Variants in P3H2 observed in about 807,000 individuals in gnomAD.
P3H2 encodes prolyl 3-hydroxylase 2.
In P3H2, 80 loss-of-function variants were observed where a neutral mutation model predicts 87.0. The observed-to-expected ratio is 0.92, with a 90% CI of 0.77 to 1.11. P3H2 has a LOEUF of 1.11. Among genes scored for constraint, P3H2 ranks in the 50% least tolerant of loss-of-function variants. The pLI, the probability that P3H2 is intolerant of heterozygous loss-of-function variation, is 0.00. For synonymous variants in P3H2, 367 were observed against 359.3 expected (o/e 1.02, Z -0.24); for missense variants, 1,001 against 923.9 (o/e 1.08, Z -1.08).
chr3:189,966,121 GAAA>G (rs372324965), intron 13 of P3H2, among the ~76,000 whole-genome samples: 4 of 70,742 alleles, frequency 5.7e-5, no homozygotes, highest in Non-Finnish European at 1.1e-4. Context: ...AAGAAAGAAA[GAAA>G]AAGAAAGAAA....
intron 8 of P3H2, among the ~76,000 whole-genome samples, chr3:189,979,860 C>T (rs1410864330): frequency 6.6e-6 from 1 of 151,312 alleles, no homozygotes; most frequent in South Asian, 2.1e-4. Flanking sequence ...CCCAGCTACT[C>T]GGGAGGCTGA....
At chr3:190,050,969 G>T (rs1725963318) in intron 1 of P3H2, among the ~76,000 whole-genome samples, 1 of 152,130 alleles carries the variant, frequency 6.6e-6, no homozygotes, top group South Asian at 2.1e-4. Context: ...TAATATAAAA[G>T]ATACTGTCAA....
chr3:189,986,825 G>C lies in P3H2; in HGVS notation c.1151C>G (p.Ser384Ter), dbSNP rs1343712811. 1 of 1,613,142 alleles carries C rather than the reference G, an allele frequency of 6.2e-7. No homozygotes were observed. The highest frequency in any genetic ancestry group is 1.7e-5 in the Admixed American group (1 of 60,004). ...TGAAAACCCCAGACCTTCTGCAGCT[G>C]ATTTTATCAGCTCAGACTCCAGCTT... ...RHKLESELIK[S>*]AAEGLGFSYT... is the part of the protein sequence containing the mutation. Residue 384 changes from serine (S) to a stop codon, truncating the protein, a stop_gained, in exon 6 of 15, where the codon TCA becomes TGA. Coordinates refer to ENST00000319332, the MANE Select transcript of P3H2 (RefSeq NM_018192.4). LOFTEE classifies it high-confidence loss of function.
At chr3:189,979,672 GGTGGGTGGGCTGAGCACA>G (rs1236405830) in intron 8 of P3H2, among the ~76,000 whole-genome samples, 2 of 151,900 alleles carry the variant, frequency 1.3e-5, no homozygotes, top group East Asian at 3.9e-4. Flanking sequence ...TTAAAAATCT[GGTGGGTGGGCTGAGCACA>G]GTGGCTCAGG....
At chr3:190,108,781 G>C (rs899338476) in intron 1 of P3H2, among the ~76,000 whole-genome samples, 1 of 152,130 alleles carries the variant, frequency 6.6e-6, no homozygotes, top group African/African-American at 2.4e-5. Context: ...ATTGCTGATA[G>C]AGAAAACAGT....
chr3:189,995,348 C>G lies in P3H2; in HGVS notation c.575G>C (p.Arg192Thr). The stretch of plus-strand genomic sequence containing the variant: ...CAATGCTTCAACACCAGCTGTCGCC[C>G]TGTAATTCTCAATGTTCTGCTGCAT... ...MEMQQNIENYRATAGVEALQL... is the reference protein window; with the variant it reads ...MEMQQNIENYTATAGVEALQL... Residue 192 changes from arginine to threonine, a missense_variant, in exon 2 of 15, where the codon AGG becomes ACG. Arg to Thr is a moderately conservative substitution (Grantham distance 71, BLOSUM62 -1). Transcript: ENST00000319332. 1 of 1,614,080 alleles carries G rather than the reference C, an allele frequency of 6.2e-7. No individual in the cohort carries two copies. Among genetic ancestry groups the G allele is most frequent in the Non-Finnish European group, 8.5e-7 (1 of 1,180,020 alleles).
intron 8 of P3H2, among the ~76,000 whole-genome samples, chr3:189,976,375 A>C (rs1422903190): frequency 6.6e-6 from 1 of 152,220 alleles, no homozygotes; most frequent in African/African-American, 2.4e-5. Context: ...GTGGAAGGCA[A>C]AGAAGGAGAA....
chr3:190,038,420 C>G (rs1725492509), intron 1 of P3H2, among the ~76,000 whole-genome samples: 1 of 144,218 alleles, frequency 6.9e-6, no homozygotes, highest in East Asian at 2.1e-4. Flanking sequence ...TGCATTATCT[C>G]AATCACCCCA....
At chr3:189,967,640 C>T (rs1016371660) in intron 13 of P3H2, among the ~76,000 whole-genome samples, 3 of 151,790 alleles carry the variant, frequency 2.0e-5, no homozygotes, top group South Asian at 2.1e-4. Context: ...CAATACAGAT[C>T]GTCAATCTTG....
At chr3:189,997,783 C>T (rs1056493577) in intron 1 of P3H2, among the ~76,000 whole-genome samples, 1 of 152,128 alleles carries the variant, frequency 6.6e-6, no homozygotes, top group African/African-American at 2.4e-5. Context: ...TTTTGGATTT[C>T]ATCTTTCTCA....
At chr3:189,970,968 G>T in intron 12 of P3H2, 77 bp from the exon 13 acceptor site, 2 of 838,412 alleles carry the variant, frequency 2.4e-6, no homozygotes, top group South Asian at 1.4e-5. Context: ...GAAGACTGGT[G>T]ATGTACTGTC....
In P3H2 at chr3:189,969,592, T is replaced by C. The variant is rs540029749; in HGVS notation, c.1893+1224A>G. On this transcript the variant is annotated intron_variant, in intron 13 of 14. Transcript: ENST00000319332. ...TCAAGGAGCCACAAGCTGTGGTCCC[T>C]ATGACATGTGTACAGCCCTCTTCCT... 5.6e-6 allele frequency: 7 copies of C among 1,246,434 alleles called. No homozygotes were observed. The African/African-American group carries it at 5.9e-5, about 11-fold the overall frequency. The allele number at this position is 1,246,434 out of a possible 1,614,324, so 77.2% of individuals were successfully genotyped here.
At chr3:189,999,199 C>T (rs768088078) in intron 1 of P3H2, among the ~76,000 whole-genome samples, 1 of 152,092 alleles carries the variant, frequency 6.6e-6, no homozygotes, top group Non-Finnish European at 1.5e-5. Flanking sequence ...TCAATGTCAA[C>T]AAACTGGGTC....
chr3:190,028,277 A>C (rs921674398), intron 1 of P3H2, among the ~76,000 whole-genome samples: 1 of 152,168 alleles, frequency 6.6e-6, no homozygotes, highest in Non-Finnish European at 1.5e-5. Flanking sequence ...CTGGGGAATA[A>C]TTTTTAGGCT....
intron 1 of P3H2, among the ~76,000 whole-genome samples, chr3:190,022,958 C>G (rs539447559): frequency 3.0e-4 from 46 of 152,088 alleles, no homozygotes; most frequent in Non-Finnish European, 6.0e-4. Flanking sequence ...TCCCGAGTAG[C>G]TGGGACTACA....
intron 1 of P3H2, among the ~76,000 whole-genome samples, chr3:190,104,481 T>C (rs889578039): frequency 6.6e-6 from 1 of 152,144 alleles, no homozygotes; most frequent in Non-Finnish European, 1.5e-5. Context: ...AAATATTTAA[T>C]ATTTTAATAC....
chr3:190,004,707 T>A (rs892977281), intron 1 of P3H2, among the ~76,000 whole-genome samples: 1 of 152,250 alleles, frequency 6.6e-6, no homozygotes, highest in East Asian at 1.9e-4. Context: ...TAGCACCAAG[T>A]CAAAACTTGT....
chr3:190,024,258 G>C (rs1316432166), intron 1 of P3H2, among the ~76,000 whole-genome samples: 1 of 152,014 alleles, frequency 6.6e-6, no homozygotes, highest in African/African-American at 2.4e-5. Flanking sequence ...AGATGGATTG[G>C]CCAGGTGCAG....
At chr3:189,998,974 A>G (rs958141347) in intron 1 of P3H2, among the ~76,000 whole-genome samples, 7 of 152,238 alleles carry the variant, frequency 4.6e-5, no homozygotes, top group Non-Finnish European at 7.3e-5. Flanking sequence ...CTGATCTGAC[A>G]GGAGACAGAG....
Sources: allele counts gnomAD v4.1 joint callset (sites outside exome capture counted in the v4.1 genomes callset), GRCh38; gene constraint gnomAD v4.1.1; transcripts MANE v1.5; gene names NCBI Gene and HGNC (gene_info 2026-07-23, HGNC 2026-07-21).